The following SBF2 variants were observed in gnomAD, a reference collection of about 807,000 sequenced individuals.
SBF2 encodes myotubularin-related protein 13.
A neutral mutation model predicts 225.2 loss-of-function variants in SBF2; 112 were observed. That is an observed-to-expected ratio of 0.50 (90% CI 0.43 to 0.58). SBF2 has a LOEUF of 0.58. Among genes scored for constraint, SBF2 ranks in the 20% least tolerant of loss-of-function variants. SBF2 has a pLI of 0.00. For synonymous variants in SBF2, 763 were observed against 773.3 expected, an observed-to-expected ratio of 0.99 and a Z score of 0.22; for missense variants, 1,996 against 2,206.2, an observed-to-expected ratio of 0.90 and a Z score of 1.91.
chr11:9,963,010 C>T (rs1044947112), intron 15 of SBF2, among the ~76,000 whole-genome samples: 2 of 152,080 alleles, frequency 1.3e-5, no homozygotes, highest in Non-Finnish European at 2.9e-5. Context: ...AGAACTATGA[C>T]AATGAGTCAG....
chr11:9,976,532 G>C (rs1946690599), intron 13 of SBF2, among the ~76,000 whole-genome samples: 1 of 152,070 alleles, frequency 6.6e-6, no homozygotes, highest in South Asian at 2.1e-4. Flanking sequence ...AGAAGTTTGA[G>C]GCTGTAGTGC....
At chr11:9,868,930 G>C (rs1390308319) in intron 17 of SBF2, among the ~76,000 whole-genome samples, 1 of 152,160 alleles carries the variant, frequency 6.6e-6, no homozygotes, top group Non-Finnish European at 1.5e-5. Flanking sequence ...TTATGTTAGA[G>C]GATGTTGATT....
At chr11:10,092,555 T>C (rs1337734508) in intron 2 of SBF2, among the ~76,000 whole-genome samples, 1 of 152,228 alleles carries the variant, frequency 6.6e-6, no homozygotes, top group Non-Finnish European at 1.5e-5. Context: ...TGCAATCATA[T>C]AACTCCACTA....
chr11:10,297,062 T>A (rs1379163127), upstream of SBF2, among the ~76,000 whole-genome samples: 2 of 152,202 alleles, frequency 1.3e-5, no homozygotes, highest in African/African-American at 2.4e-5. Context: ...TTTGTCTTTT[T>A]GAGGTTGAGT....
chr11:9,844,356 C>T (rs1288933359), intron 24 of SBF2, among the ~76,000 whole-genome samples: 1 of 152,184 alleles, frequency 6.6e-6, no homozygotes, highest in African/African-American at 2.4e-5. Flanking sequence ...GGCCTCTTTT[C>T]CAAAGTCTGC....
chr11:10,097,430 A>C (rs2134949836), intron 2 of SBF2, among the ~76,000 whole-genome samples: 1 of 152,384 alleles, frequency 6.6e-6, no homozygotes, highest in African/African-American at 2.4e-5. Context: ...AAAACGAGGC[A>C]GTGAAACAGT....
At chr11:10,273,616 A>G (rs1261407782) in intron 1 of SBF2, among the ~76,000 whole-genome samples, 2 of 152,248 alleles carry the variant, frequency 1.3e-5, no homozygotes, top group Non-Finnish European at 1.5e-5. Context: ...AACAGGTACA[A>G]AAACAAAGAT....
intron 2 of SBF2, among the ~76,000 whole-genome samples, chr11:10,165,971 A>G (rs16907527): frequency 0.096 from 14,630 of 152,226 alleles, 961 homozygotes; most frequent in East Asian, 0.28. Context: ...TAAGACTCTT[A>G]AAGATAATAT....
chr11:9,796,910 A>G (rs1470174634), intron 32 of SBF2, among the ~76,000 whole-genome samples: 1 of 152,214 alleles, frequency 6.6e-6, no homozygotes, highest in Non-Finnish European at 1.5e-5. Context: ...GGCAAACCGT[A>G]TACAGACTGT....
At chr11:9,869,341 C>G (rs147861988) in intron 17 of SBF2, among the ~76,000 whole-genome samples, 1 of 151,852 alleles carries the variant, frequency 6.6e-6, no homozygotes, top group Non-Finnish European at 1.5e-5. Flanking sequence ...TTTTTGGAGA[C>G]AGAGTCTTGC....
chr11:9,820,873 T>C (rs914982996), intron 28 of SBF2, among the ~76,000 whole-genome samples: 3 of 152,254 alleles, frequency 2.0e-5, no homozygotes, highest in African/African-American at 7.2e-5. Flanking sequence ...CTTTTCCTTT[T>C]GTTCCTAAAC....
intron 1 of SBF2, among the ~76,000 whole-genome samples, chr11:10,249,107 A>G (rs1296090123): frequency 6.6e-6 from 1 of 152,200 alleles, no homozygotes; most frequent in Non-Finnish European, 1.5e-5. Context: ...ACAAAAAAAA[A>G]AAAGAAAGAA....
intron 1 of SBF2, among the ~76,000 whole-genome samples, chr11:10,206,281 A>G (rs774108748): frequency 2.0e-4 from 30 of 151,696 alleles, no homozygotes; most frequent in Non-Finnish European, 3.1e-4. Flanking sequence ...TAATGGCCCC[A>G]GCATTAAATA....
chr11:10,166,408 A>G (rs938999701), intron 2 of SBF2, among the ~76,000 whole-genome samples: 2 of 152,206 alleles, frequency 1.3e-5, no homozygotes, highest in African/African-American at 2.4e-5. Context: ...ATTATAATCT[A>G]CCAGTCAGCC....
chr11:10,302,373 A>G (rs1040284441), intron 1 of SBF2, among the ~76,000 whole-genome samples: 3 of 152,248 alleles, frequency 2.0e-5, no homozygotes, highest in Non-Finnish European at 4.4e-5. Context: ...GCGCTCGCGC[A>G]CACACTCACT....
At chr11:9,893,145 C>T (rs957896432) in intron 17 of SBF2, among the ~76,000 whole-genome samples, 6 of 152,214 alleles carry the variant, frequency 3.9e-5, no homozygotes, top group Admixed American at 6.5e-5. Context: ...TGAAGCAATG[C>T]TGGCAAGACC....
At chr11:9,999,723 T>C (rs1033120080) in intron 8 of SBF2, among the ~76,000 whole-genome samples, 3 of 152,228 alleles carry the variant, frequency 2.0e-5, no homozygotes, top group Non-Finnish European at 4.4e-5. Context: ...TTTATTGATT[T>C]ACACATATTT....
At chr11:10,287,241 G>C (rs1221142465) in intron 1 of SBF2, among the ~76,000 whole-genome samples, 3 of 152,212 alleles carry the variant, frequency 2.0e-5, no homozygotes, top group Non-Finnish European at 2.9e-5. Flanking sequence ...AGAGGCATGA[G>C]AGAACTTTTT....
At position 9,832,359 on chromosome 11, in the gene SBF2, G is replaced by A. The variant is rs779290368; in HGVS notation, c.3517C>T (p.Arg1173Cys). ...VQDSSLPRVA[R>C]CYRHNRLPVV... ...GGCAGGCGATTGTGTCGATAGCAGC[G>A]AGCTACTCTTGGTAAACTACTGTCC... is the stretch of plus-strand genomic sequence containing the variant. The change falls in exon 27 of 40, where the codon CGC becomes TGC. Residue 1173 changes from arginine (R) to cysteine (C), a missense_variant. By Grantham distance (180) the Arg-to-Cys change is radical. Transcript: ENST00000256190. 18 of 1,613,866 alleles carry A rather than the reference G, an allele frequency of 1.1e-5. No individual in the cohort carries two copies. The highest frequency in any genetic ancestry group is 1.3e-5 in the African/African-American group (1 of 74,854).
Sources: allele counts gnomAD v4.1 joint callset (sites outside exome capture counted in the v4.1 genomes callset), GRCh38; gene constraint gnomAD v4.1.1; transcripts MANE v1.5; gene names NCBI Gene and HGNC (gene_info 2026-07-23, HGNC 2026-07-21).